CDH13: variants seen among roughly 807,000 people sequenced by gnomAD.
CDH13 encodes cadherin-13.
A neutral mutation model predicts 63.8 loss-of-function variants in CDH13; 24 were observed. The ratio of observed to expected loss-of-function variants is 0.38; its 90% CI spans 0.27 to 0.53. The LOEUF (loss-of-function observed/expected upper bound fraction) is 0.53, where lower values mean the gene tolerates loss of function less well. Ranked by LOEUF, CDH13 falls within the 20% of genes least tolerant of loss-of-function variation. CDH13 has a pLI of 0.85. For missense variants in CDH13, 1,049 were observed against 903.1 expected (o/e 1.16, Z -2.07); for synonymous variants, 503 against 355.3 (o/e 1.42, Z -4.67).
intron 2 of CDH13, among the ~76,000 whole-genome samples, chr16:82,886,089 T>G (rs1474264478): frequency 6.6e-6 from 1 of 152,232 alleles, no homozygotes; most frequent in Non-Finnish European, 1.5e-5. Flanking sequence ...ATGTTACTGA[T>G]ATCCATCTGT....
intron 1 of CDH13, among the ~76,000 whole-genome samples, chr16:82,832,560 C>T (rs1292895535): frequency 6.6e-6 from 1 of 150,660 alleles, no homozygotes; most frequent in East Asian, 2.0e-4. Flanking sequence ...TCACTATCCA[C>T]AGTTATAATT....
In CDH13 at chr16:82,956,823, A is replaced by G. The variant is rs535668734; in HGVS notation, c.158-75187A>G. On this transcript the variant is annotated intron_variant, in intron 2 of 13. Coordinates refer to ENST00000567109, the MANE Select transcript of CDH13 (RefSeq NM_001257.5). ...GTGTCTCAGTGGATTTCTATTAATTAGGATATGGGTTTGGATGCCATAGCA... is the reference window on the plus strand; with the variant it reads ...GTGTCTCAGTGGATTTCTATTAATTGGGATATGGGTTTGGATGCCATAGCA... Among the ~76,000 whole-genome samples the G allele has an allele frequency of 2.0e-5, 3 of 152,346 alleles. No individual in the cohort carries two copies. In the East Asian group the frequency reaches 5.8e-4, roughly 29 times the overall value.
intron 6 of CDH13, among the ~76,000 whole-genome samples, chr16:83,391,287 C>T (rs749269426): frequency 7.9e-5 from 12 of 151,904 alleles, no homozygotes; most frequent in Non-Finnish European, 1.5e-4. Flanking sequence ...CTTACTGCAA[C>T]CTCTGCCTCC....
intron 7 of CDH13, among the ~76,000 whole-genome samples, chr16:83,522,633 C>T (rs4412964): frequency 0.4 from 60,289 of 152,034 alleles, 12,154 homozygotes; most frequent in African/African-American, 0.45. Flanking sequence ...AGTTGCCGAG[C>T]GCAGTGGGTT....
intron 11 of CDH13, among the ~76,000 whole-genome samples, chr16:83,773,806 C>G (rs1330527913): frequency 2.6e-5 from 4 of 152,160 alleles, no homozygotes; most frequent in Non-Finnish European, 5.9e-5. Flanking sequence ...GGTGATTCTC[C>G]TGGTGGCTGA....
chr16:83,733,072 C>T (rs1315132593), intron 10 of CDH13, among the ~76,000 whole-genome samples: 1 of 152,188 alleles, frequency 6.6e-6, no homozygotes, highest in African/African-American at 2.4e-5. Context: ...AGGAAGCTCC[C>T]CACCTTGATC....
In CDH13 at chr16:82,856,372, C is replaced by G. The variant is rs111671760; in HGVS notation, c.46-1990C>G. 6.1e-3 allele frequency among the ~76,000 whole-genome samples: 365 copies of G among 59,784 alleles called. 1 individual carries two copies. Among genetic ancestry groups the G allele is most frequent in the Middle Eastern group, 0.025 (3 of 118 alleles). The allele number at this position is 59,784 out of a possible 152,430, so 39.2% of individuals were successfully genotyped here. On this transcript the variant is annotated intron_variant, in intron 1 of 13. Transcript: ENST00000567109. ...CCTGGGCAACAGAGAGAGACTCCAT[C>G]TCAAAAAAAAAAAAAAAGAAAAGAA...
intron 2 of CDH13, among the ~76,000 whole-genome samples, chr16:82,959,778 A>G (rs959984513): frequency 8.5e-5 from 13 of 152,164 alleles, no homozygotes; most frequent in Admixed American, 6.5e-5. Flanking sequence ...GATGTACCAC[A>G]CGGTTGTTGT....
At chr16:82,754,939 C>A (rs759989469) in intron 1 of CDH13, among the ~76,000 whole-genome samples, 1 of 152,168 alleles carries the variant, frequency 6.6e-6, no homozygotes, top group Non-Finnish European at 1.5e-5. Flanking sequence ...TTTGTGAGAG[C>A]AATCATGTTT....
intron 1 of CDH13, among the ~76,000 whole-genome samples, chr16:82,730,110 A>G (rs2033319807): frequency 6.6e-6 from 1 of 152,218 alleles, no homozygotes; most frequent in Non-Finnish European, 1.5e-5. Flanking sequence ...CCCCATCAGC[A>G]ATAGGACTGT....
chr16:82,958,436 G>C (rs761541458), intron 2 of CDH13, among the ~76,000 whole-genome samples: 3 of 152,198 alleles, frequency 2.0e-5, no homozygotes. Context: ...CCCAGTGATG[G>C]TCCAGTGTCA....
At chr16:83,538,302 G>A (rs529516565) in intron 7 of CDH13, among the ~76,000 whole-genome samples, 5 of 152,236 alleles carry the variant, frequency 3.3e-5, no homozygotes, top group African/African-American at 9.6e-5. Context: ...GGTTTACACC[G>A]TTTCCCAAGC....
chr16:83,706,121 A>T (rs1907006122), intron 10 of CDH13, among the ~76,000 whole-genome samples: 1 of 152,270 alleles, frequency 6.6e-6, no homozygotes, highest in East Asian at 1.9e-4. Flanking sequence ...CTGGGAGCTG[A>T]TGTCATCTGA....
At chr16:82,869,474 GA>G (rs1214101948) in intron 2 of CDH13, among the ~76,000 whole-genome samples, 1 of 151,166 alleles carries the variant, frequency 6.6e-6, no homozygotes, top group African/African-American at 2.4e-5. Context: ...TACAGAAAAA[GA>G]AAAAAAATTC....
chr16:83,325,031 C>T (rs1344354031), intron 5 of CDH13, among the ~76,000 whole-genome samples: 1 of 152,178 alleles, frequency 6.6e-6, no homozygotes, highest in South Asian at 2.1e-4. Context: ...CTAAGGCTGT[C>T]TCCCTCCTCT....
intron 8 of CDH13, among the ~76,000 whole-genome samples, chr16:83,648,364 T>C (rs1912038524): frequency 6.6e-6 from 1 of 152,274 alleles, no homozygotes; most frequent in South Asian, 2.1e-4. Flanking sequence ...CGCAAGTTTG[T>C]GTGATGCAGT....
At chr16:83,366,913 C>A (rs939936395) in intron 6 of CDH13, among the ~76,000 whole-genome samples, 1 of 152,092 alleles carries the variant, frequency 6.6e-6, no homozygotes, top group South Asian at 2.1e-4. Flanking sequence ...TGTTTAATAC[C>A]CAAAGCCCTC....
At chr16:83,429,852 A>C (rs1348200155) in intron 6 of CDH13, among the ~76,000 whole-genome samples, 1 of 152,244 alleles carries the variant, frequency 6.6e-6, no homozygotes, top group African/African-American at 2.4e-5. Flanking sequence ...TTGTGTACAC[A>C]AGCTATCTGG....
chr16:83,378,504 C>T (rs1176385171), intron 6 of CDH13, among the ~76,000 whole-genome samples: 1 of 152,124 alleles, frequency 6.6e-6, no homozygotes, highest in Non-Finnish European at 1.5e-5. Context: ...ATAAAGGGGT[C>T]CCCTTCAGTT....
Sources: gnomAD v4.1 joint callset for allele counts (sites outside exome capture counted in the v4.1 genomes callset) on GRCh38, gnomAD v4.1.1 for gene constraint, MANE v1.5 for transcripts, NCBI Gene and HGNC (gene_info 2026-07-23, HGNC 2026-07-21) for gene names.